EPHA7: variants seen among roughly 807,000 people sequenced by gnomAD.
EPHA7 encodes ephrin type-A receptor 7.
In EPHA7, 25 loss-of-function variants were observed where a neutral mutation model predicts 112.6. That is an observed-to-expected ratio of 0.22 (90% CI 0.16 to 0.31). The LOEUF is 0.31. Among genes scored for constraint, EPHA7 ranks in the 10% least tolerant of loss-of-function variants. The probability of loss-of-function intolerance (pLI) is 1.00; values close to 1 mark genes in which losing one functional copy is unlikely to be tolerated. For missense variants in EPHA7, 962 were observed against 1,212.6 expected (o/e 0.79, Z 3.07); for synonymous variants, 437 against 406.5 (o/e 1.07, Z -0.90).
chr6:93,384,048 C>T (rs1442007792), intron 3 of EPHA7, among the ~76,000 whole-genome samples: 1 of 152,052 alleles, frequency 6.6e-6, no homozygotes, highest in Non-Finnish European at 1.5e-5. Context: ...GGAAGAAAAT[C>T]AGTATCAGGA....
intron 5 of EPHA7, among the ~76,000 whole-genome samples, chr6:93,332,491 C>T (rs1774645049): frequency 6.6e-6 from 1 of 151,356 alleles, no homozygotes; most frequent in African/African-American, 2.4e-5. Context: ...TGCTAAGTGG[C>T]TTATATATTT....
rs777258745 is a variant in EPHA7, at chr6:93,259,464, G to A, written c.1814C>T (p.Thr605Ile). The change falls in exon 10 of 17, where the codon ACC (threonine) becomes ATC (isoleucine). Residue 605 changes from threonine to isoleucine, a missense_variant. Physicochemically the swap from Thr to Ile is moderately conservative, Grantham distance 89. Around this residue, in one of 3 missense-constraint regions of EPHA7, gnomAD observed 746 missense variants for 889.2 expected, o/e 0.84. Transcript: ENST00000369303. ...GGTTTCAGGGTCAATGTAGGTTTTG[G>A]TGCCTGGAAATTTAACTGTAATGAT... Reference protein sequence around the residue: ...ELYFHFKFPGTKTYIDPETYE... With the variant: ...ELYFHFKFPGIKTYIDPETYE... The A allele has an allele frequency of 6.2e-7, 1 of 1,611,436 alleles. No individual in the cohort carries two copies. Among genetic ancestry groups the A allele is most frequent in the Non-Finnish European group, 8.5e-7 (1 of 1,178,134 alleles).
At chr6:93,376,872 CTATGT>C (rs547186603) in intron 3 of EPHA7, among the ~76,000 whole-genome samples, 3 of 152,118 alleles carry the variant, frequency 2.0e-5, no homozygotes, top group Non-Finnish European at 4.4e-5. Flanking sequence ...GCTCGGATGT[CTATGT>C]TTCCTGAGAC....
intron 9 of EPHA7, chr6:93,260,690 G>T: frequency 1.0e-6 from 1 of 976,568 alleles, no homozygotes; most frequent in Non-Finnish European, 1.2e-6. Context: ...GATTTATTCT[G>T]CTGTAGTTGA....
At chr6:93,358,645 A>T (rs1200711307) in intron 3 of EPHA7, among the ~76,000 whole-genome samples, 1 of 152,204 alleles carries the variant, frequency 6.6e-6, no homozygotes, top group Non-Finnish European at 1.5e-5. Context: ...AGTTGGCACC[A>T]GGCCAAAGTC....
chr6:93,375,020 C>A (rs1776982918), intron 3 of EPHA7, among the ~76,000 whole-genome samples: 1 of 151,960 alleles, frequency 6.6e-6, no homozygotes. Flanking sequence ...ATTATATAAA[C>A]CATGTAACTA....
At chr6:93,324,008 T>C (rs1774196059) in intron 5 of EPHA7, among the ~76,000 whole-genome samples, 1 of 151,472 alleles carries the variant, frequency 6.6e-6, no homozygotes, top group African/African-American at 2.4e-5. Context: ...TGCTTTCCGT[T>C]GCCAGAAGTT....
chr6:93,270,606 T>A (rs987296900), intron 6 of EPHA7, among the ~76,000 whole-genome samples: 1 of 151,700 alleles, frequency 6.6e-6, no homozygotes. Flanking sequence ...TTCAACTTTA[T>A]CTGGCAATGA....
At chr6:93,362,503 C>A (rs916779135) in intron 3 of EPHA7, among the ~76,000 whole-genome samples, 7 of 151,946 alleles carry the variant, frequency 4.6e-5, no homozygotes, top group Non-Finnish European at 8.8e-5. Context: ...TAAAAAAGCA[C>A]CAAAATTCTG....
At chr6:93,262,307 C>G (rs1479535260) in intron 9 of EPHA7, among the ~76,000 whole-genome samples, 1 of 151,430 alleles carries the variant, frequency 6.6e-6, no homozygotes. Context: ...TTCACTGAGG[C>G]TTGTCGCAGG....
At chr6:93,369,787 T>C (rs953408680) in intron 3 of EPHA7, among the ~76,000 whole-genome samples, 2 of 152,214 alleles carry the variant, frequency 1.3e-5, no homozygotes, top group African/African-American at 4.8e-5. Flanking sequence ...CTATGTTTAT[T>C]GAATGGACGA....
intron 3 of EPHA7, among the ~76,000 whole-genome samples, chr6:93,373,830 G>T (rs1246083171): frequency 6.7e-6 from 1 of 150,168 alleles, no homozygotes; most frequent in East Asian, 2.0e-4. Context: ...TTAGTATATT[G>T]TTACATGTTT....
chr6:93,346,845 A>T (rs1775428232), intron 5 of EPHA7, among the ~76,000 whole-genome samples: 1 of 151,816 alleles, frequency 6.6e-6, no homozygotes, highest in Admixed American at 6.6e-5. Context: ...TAGTAGATGA[A>T]TATTCAGCTT....
intron 5 of EPHA7, among the ~76,000 whole-genome samples, chr6:93,274,668 A>G (rs767348793): frequency 6.6e-5 from 10 of 151,772 alleles, no homozygotes; most frequent in Non-Finnish European, 1.0e-4. Context: ...ATATCAAGTC[A>G]CACATTTTAA....
chr6:93,320,795 G>C (rs1774030753), intron 5 of EPHA7, among the ~76,000 whole-genome samples: 1 of 151,820 alleles, frequency 6.6e-6, no homozygotes, highest in Non-Finnish European at 1.5e-5. Flanking sequence ...ATGCTTTAGA[G>C]ACAAGATGGC....
intron 5 of EPHA7, among the ~76,000 whole-genome samples, chr6:93,295,555 A>T (rs1337956314): frequency 4.0e-5 from 6 of 151,640 alleles, no homozygotes; most frequent in Non-Finnish European, 8.8e-5. Flanking sequence ...GTTTTCTTCC[A>T]CTGTGTGTCT....
At chr6:93,262,277 A>T (rs1384542183) in intron 9 of EPHA7, among the ~76,000 whole-genome samples, 2 of 151,520 alleles carry the variant, frequency 1.3e-5, no homozygotes, top group Non-Finnish European at 3.0e-5. Flanking sequence ...CTCTAGCTAT[A>T]AACTACCTAT....
At chr6:93,318,982 A>G (rs1194053440) in intron 5 of EPHA7, among the ~76,000 whole-genome samples, 2 of 152,264 alleles carry the variant, frequency 1.3e-5, no homozygotes, top group South Asian at 2.1e-4. Flanking sequence ...TCAATAATTT[A>G]TCTTCCTCCT....
chr6:93,300,936 C>A (rs1217699755), intron 5 of EPHA7, among the ~76,000 whole-genome samples: 1 of 152,168 alleles, frequency 6.6e-6, no homozygotes, highest in Non-Finnish European at 1.5e-5. Context: ...AGGCTACAAA[C>A]CTGCATAGTA....
Sources: gnomAD v4.1 joint callset for allele counts (sites outside exome capture counted in the v4.1 genomes callset) on GRCh38, gnomAD v4.1.1 for gene constraint, gnomAD v4.1.1 regional missense constraint, MANE v1.5 for transcripts, NCBI Gene and HGNC (gene_info 2026-07-23, HGNC 2026-07-21) for gene names.